Variants in NARS2 observed in about 807,000 individuals in gnomAD.
The protein encoded by NARS2 is asparaginyl-tRNA synthetase 2, mitochondrial.
Under a neutral mutation model 62.9 loss-of-function variants are expected in NARS2, and 60 were observed. That is an observed-to-expected ratio of 0.95 (90% CI 0.77 to 1.18). The LOEUF (loss-of-function observed/expected upper bound fraction) is 1.18, where lower values mean the gene tolerates loss of function less well. Among genes scored for constraint, NARS2 ranks in the 50% most tolerant of loss-of-function variants. The probability of loss-of-function intolerance (pLI) is 0.00; values close to 1 mark genes in which losing one functional copy is unlikely to be tolerated. For synonymous variants in NARS2, 196 were observed against 200.0 expected (o/e 0.98, Z 0.17); for missense variants, 619 against 576.4 (o/e 1.07, Z -0.76).
At chr11:78,523,461 C>T (rs1007135089) in intron 6 of NARS2, among the ~76,000 whole-genome samples, 2 of 152,184 alleles carry the variant, frequency 1.3e-5, no homozygotes, top group Non-Finnish European at 2.9e-5. Context: ...AATTTCGCTC[C>T]TAGGTATCTA....
chr11:78,440,040 C>T (rs946339247), intron 13 of NARS2, among the ~76,000 whole-genome samples: 1 of 152,126 alleles, frequency 6.6e-6, no homozygotes, highest in East Asian at 1.9e-4. Context: ...CAGCATAATG[C>T]TTAAGAGCAA....
At chr11:78,506,366 C>A (rs1860498605) in intron 6 of NARS2, among the ~76,000 whole-genome samples, 1 of 152,214 alleles carries the variant, frequency 6.6e-6, no homozygotes, top group Non-Finnish European at 1.5e-5. Context: ...CACACACAGA[C>A]TCCTGCATGA....
At chr11:78,549,763 G>C (rs901777292) in intron 5 of NARS2, among the ~76,000 whole-genome samples, 1 of 152,100 alleles carries the variant, frequency 6.6e-6, no homozygotes, top group Non-Finnish European at 1.5e-5. Flanking sequence ...GCCAAAGAAA[G>C]CTCTACCAAA....
At chr11:78,492,368 A>G (rs1270659308) in intron 7 of NARS2, among the ~76,000 whole-genome samples, 1 of 152,164 alleles carries the variant, frequency 6.6e-6, no homozygotes, top group East Asian at 1.9e-4. Context: ...CTCTACTTTT[A>G]TCTACCTCTA....
rs149928454 is a variant in NARS2, at chr11:78,520,972, C to T, written c.689+7870G>A. Reference sequence around the variant, plus strand: ...ACTCGAGAGGCTGAGGCAGGAAAATCGCTTGAACCCGAGACGCAGGGGTTG... The same window carrying T: ...ACTCGAGAGGCTGAGGCAGGAAAATTGCTTGAACCCGAGACGCAGGGGTTG... On this transcript the variant is annotated intron_variant, in intron 6 of 13. Coordinates refer to ENST00000281038, the MANE Select transcript of NARS2 (RefSeq NM_024678.6). Among the ~76,000 whole-genome samples, 1,315 of 150,774 alleles carry T rather than the reference C, an allele frequency of 8.7e-3. 27 individuals are homozygous for T. The highest frequency in any genetic ancestry group is 0.031 in the African/African-American group (1,261 of 40,950).
chr11:78,491,598 A>G (rs1859821368), intron 7 of NARS2, among the ~76,000 whole-genome samples: 1 of 152,230 alleles, frequency 6.6e-6, no homozygotes, highest in Non-Finnish European at 1.5e-5. Context: ...TTTAGATGGG[A>G]CAACTGTTCC....
chr11:78,455,918 T>C (rs1185949085), intron 11 of NARS2, among the ~76,000 whole-genome samples: 4 of 151,820 alleles, frequency 2.6e-5, no homozygotes, highest in Admixed American at 1.3e-4. Context: ...TTGAATGTTT[T>C]AACGTTATGC....
intron 13 of NARS2, 122 bp from the exon 14 acceptor site, chr11:78,436,936 AC>A: frequency 1.1e-6 from 1 of 933,070 alleles, no homozygotes; most frequent in South Asian, 1.7e-5. Context: ...ACTGTGATAG[AC>A]CAGTCTTTCC....
At chr11:78,438,543 T>C (rs1180549320) in intron 13 of NARS2, among the ~76,000 whole-genome samples, 1 of 152,208 alleles carries the variant, frequency 6.6e-6, no homozygotes, top group Non-Finnish European at 1.5e-5. Context: ...AACACTGGCA[T>C]GAATATCTGC....
chr11:78,496,278 T>C (rs371768492), intron 6 of NARS2, among the ~76,000 whole-genome samples: 2 of 152,170 alleles, frequency 1.3e-5, no homozygotes, highest in African/African-American at 2.4e-5. Flanking sequence ...TGTTCTATTA[T>C]AAGTAATAGT....
At chr11:78,459,329 G>C (rs959860073) in intron 11 of NARS2, among the ~76,000 whole-genome samples, 1 of 150,514 alleles carries the variant, frequency 6.6e-6, no homozygotes, top group Non-Finnish European at 1.5e-5. Flanking sequence ...GGAGTACAAT[G>C]ATGCAATCTC....
At chr11:78,450,426 CAT>C (rs1857926884) in intron 11 of NARS2, among the ~76,000 whole-genome samples, 1 of 152,156 alleles carries the variant, frequency 6.6e-6, no homozygotes, top group African/African-American at 2.4e-5. Flanking sequence ...AGGAGGAACA[CAT>C]ATCATCTTTG....
intron 4 of NARS2, among the ~76,000 whole-genome samples, chr11:78,563,835 A>G (rs1339507076): frequency 1.6e-5 from 1 of 62,398 alleles, no homozygotes; most frequent in Admixed American, 1.7e-4. Context: ...GTATCAAAAA[A>G]AAAAAAAAAA....
intron 13 of NARS2, 123 bp from the exon 14 acceptor site, chr11:78,436,937 C>A (rs1857428851): frequency 2.3e-6 from 2 of 888,312 alleles, no homozygotes; most frequent in African/African-American, 1.7e-5. Context: ...CTGTGATAGA[C>A]CAGTCTTTCC....
intron 5 of NARS2, among the ~76,000 whole-genome samples, chr11:78,544,657 G>A (rs1045105063): frequency 3.9e-5 from 6 of 152,080 alleles, no homozygotes; most frequent in African/African-American, 7.2e-5. Flanking sequence ...AGCCAGGCGC[G>A]GTGGTGGGTG....
intron 6 of NARS2, among the ~76,000 whole-genome samples, chr11:78,497,123 G>T (rs1860090388): frequency 6.6e-6 from 1 of 150,974 alleles, no homozygotes; most frequent in African/African-American, 2.4e-5. Flanking sequence ...AGAGAGGAAA[G>T]CTATATAAGG....
intron 9 of NARS2, among the ~76,000 whole-genome samples, chr11:78,474,059 G>A (rs1373720127): frequency 6.6e-6 from 1 of 152,040 alleles, no homozygotes; most frequent in South Asian, 2.1e-4. Context: ...CTAGCACCTG[G>A]AACTTCTCCT....
chr11:78,453,468 T>C (rs938513893), intron 11 of NARS2, among the ~76,000 whole-genome samples: 7 of 151,660 alleles, frequency 4.6e-5, no homozygotes, highest in Admixed American at 4.6e-4. Flanking sequence ...AAAAAAAACA[T>C]AGGCTAGATA....
At chr11:78,521,854 G>A (rs567688948) in intron 6 of NARS2, among the ~76,000 whole-genome samples, 1 of 149,698 alleles carries the variant, frequency 6.7e-6, no homozygotes, top group African/African-American at 2.5e-5. Context: ...AGTTTTTGCA[G>A]ATCACAGTTC....
Sources: gnomAD v4.1 joint callset for allele counts (sites outside exome capture counted in the v4.1 genomes callset) on GRCh38, gnomAD v4.1.1 for gene constraint, MANE v1.5 for transcripts, NCBI Gene and HGNC (gene_info 2026-07-23, HGNC 2026-07-21) for gene names.